The following MYOM1 variants were observed in gnomAD, a reference collection of about 807,000 sequenced individuals.
The protein encoded by MYOM1 is myomesin 1, also known as myomesin-1.
Under a neutral mutation model 205.3 loss-of-function variants are expected in MYOM1, and 164 were observed. That is an observed-to-expected ratio of 0.80 (90% confidence interval 0.70 to 0.91). MYOM1 has a LOEUF of 0.91. MYOM1 is among the 40% of genes least tolerant of loss of function. The pLI, the probability that MYOM1 is intolerant of heterozygous loss-of-function variation, is 0.00. For missense variants in MYOM1, 2,011 were observed against 2,127.3 expected (o/e 0.95, Z 1.08); for synonymous variants, 772 against 789.4 (o/e 0.98, Z 0.37).
intron 21 of MYOM1, among the ~76,000 whole-genome samples, chr18:3,114,539 A>G (rs2079575797): frequency 8.1e-6 from 1 of 123,678 alleles, no homozygotes; most frequent in Admixed American, 9.7e-5. Flanking sequence ...CACCATGGTC[A>G]GCTAATTTTT....
At position 3,094,049 on chromosome 18, in the gene MYOM1, A is replaced by G. The variant is rs1019439606; in HGVS notation, c.3864+121T>C. ...TTCACAGTTTTCACTTGTGAGAAGG[A>G]TTTAAACTCTCCCACTCCACCACCC... On this transcript the variant is annotated intron_variant, in intron 26 of 37. Coordinates refer to ENST00000356443, the MANE Select transcript of MYOM1 (RefSeq NM_003803.4). The G allele has an allele frequency of 9.3e-6, 9 of 967,476 alleles. No homozygotes were observed. The Admixed American group carries it at 2.1e-4, about 22-fold the overall frequency. The allele number at this position is 967,476 out of a possible 1,614,324, so 59.9% of individuals were successfully genotyped here.
rs371515684 is a variant in MYOM1, at chr18:3,084,393, G to A, written c.4340-366C>T. ...AGGACATTTTCTTAGCCGTGTCATC[G>A]ATTCATAATGAATTAACCATGTAGG... On this transcript the variant is annotated intron_variant, in intron 31 of 37. Transcript: ENST00000356443. Among the ~76,000 whole-genome samples, 6 of 152,192 alleles carry A rather than the reference G, an allele frequency of 3.9e-5. No individual in the cohort carries two copies. The East Asian group carries it at 5.8e-4, about 15-fold the overall frequency.
In MYOM1 at chr18:3,094,171, G is replaced by A. The variant is rs200808890; in HGVS notation, c.3863C>T (p.Pro1288Leu). ...IFNEKEIFEG[P>L]KYKMHIDRNT... ...AAGTCTAAACAGTGTAAAACCTACCGGGCCTTCAAAAATTTCCTTCTCGTT... is the reference window on the plus strand; with the variant it reads ...AAGTCTAAACAGTGTAAAACCTACCAGGCCTTCAAAAATTTCCTTCTCGTT... The change falls in exon 26 of 38, where the codon CCG becomes CTG. Residue 1288 changes from proline to leucine, a missense_variant and splice_region_variant. Physicochemically the swap from Pro to Leu is moderately conservative, Grantham distance 98. Coordinates refer to ENST00000356443, the MANE Select transcript of MYOM1 (RefSeq NM_003803.4). 6.1e-5 allele frequency: 99 copies of A among 1,613,592 alleles called. No individual in the cohort carries two copies. Among genetic ancestry groups the A allele is most frequent in the African/African-American group, 5.5e-4 (41 of 74,894 alleles).
At chr18:3,130,322 C>T (rs754421975) in intron 17 of MYOM1, among the ~76,000 whole-genome samples, 13 of 151,928 alleles carry the variant, frequency 8.6e-5, no homozygotes, top group Non-Finnish European at 1.5e-4. Flanking sequence ...GGATTACAGG[C>T]GTGAGCCACT....
At chr18:3,070,799 GGTGTCTGTCGCCCGGGC>G (rs2078951273) in intron 37 of MYOM1, among the ~76,000 whole-genome samples, 2 of 149,744 alleles carry the variant, frequency 1.3e-5, no homozygotes, top group Non-Finnish European at 3.0e-5. Flanking sequence ...TGTATGACAG[GGTGTCTGTCGCCCGGGC>G]TGGAGTGATC....
At position 3,154,616 on chromosome 18, in the gene MYOM1, TACACACACACACAC is replaced by T. The variant is rs10625884; in HGVS notation, c.1643+317_1643+330del. ...TCAGCGTTTCTAAGTACCTACTCAA[TACACACACACACAC>T]ACACACACACACACACACACATTTA... On this transcript the variant is annotated intron_variant, in intron 11 of 37. Coordinates refer to ENST00000356443, the MANE Select transcript of MYOM1 (RefSeq NM_003803.4). Among the ~76,000 whole-genome samples, 67 of 145,950 alleles carry T rather than the reference TACACACACACACAC, an allele frequency of 4.6e-4. 1 individual carries two copies. The South Asian group carries it at 0.012, about 26-fold the overall frequency.
intron 36 of MYOM1, among the ~76,000 whole-genome samples, chr18:3,072,370 T>TTTCTTTTTTTTTTG (rs768555182): frequency 8.6e-6 from 1 of 115,940 alleles, no homozygotes; most frequent in Non-Finnish European, 1.8e-5. Context: ...TTTTTTTTTT[T>TTTCTTTTTTTTTTG]TGAGGCAGAG....
intron 13 of MYOM1, among the ~76,000 whole-genome samples, chr18:3,147,422 C>T (rs2080145237): frequency 6.6e-6 from 1 of 151,936 alleles, no homozygotes; most frequent in Admixed American, 6.6e-5. Context: ...AATCAAAGGA[C>T]TCAATGCTGT....
chr18:3,235,775 G>A, the MYOM1 span, among the ~76,000 whole-genome samples: 671 of 152,280 alleles, frequency 4.4e-3, 9 homozygotes, highest in African/African-American at 0.016. Flanking sequence ...AAAATAAACC[G>A]AGAGAGGGGA....
At chr18:3,216,470 C>T (rs532196912) in intron 1 of MYOM1, among the ~76,000 whole-genome samples, 1 of 152,284 alleles carries the variant, frequency 6.6e-6, no homozygotes, top group South Asian at 2.1e-4. Flanking sequence ...TTTTCAACAG[C>T]CTCAGCAGGG....
rs755319719 is a variant in MYOM1, at chr18:3,100,204, C to A, written c.3683-1G>T. ...CTGAGAGCAAGTAAACGTTTCAATT[C>A]TGTAGGGGGAAAAAGAAGGCAGTTA... is the stretch of plus-strand genomic sequence containing the variant. On this transcript the variant is annotated splice_acceptor_variant, in intron 24 of 37. Coordinates refer to ENST00000356443, the MANE Select transcript of MYOM1 (RefSeq NM_003803.4). LOFTEE classifies it high-confidence loss of function. 1.2e-6 allele frequency: 2 copies of A among 1,613,836 alleles called. No homozygotes were observed. Among genetic ancestry groups the A allele is most frequent in the Non-Finnish European group, 1.7e-6 (2 of 1,179,856 alleles).
intron 19 of MYOM1, among the ~76,000 whole-genome samples, chr18:3,120,345 A>G (rs2079669997): frequency 6.6e-6 from 1 of 152,190 alleles, no homozygotes; most frequent in African/African-American, 2.4e-5. Context: ...GAACTCTTAC[A>G]ATGGGGTTCG....
intron 2 of MYOM1, among the ~76,000 whole-genome samples, chr18:3,197,807 A>G (rs1424003003): frequency 6.6e-6 from 1 of 152,212 alleles, no homozygotes; most frequent in Admixed American, 6.5e-5. Context: ...TGGGAGGCAG[A>G]GCTTGCAGTG....
intron 2 of MYOM1, among the ~76,000 whole-genome samples, chr18:3,205,042 T>A (rs1456494976): frequency 1.3e-5 from 2 of 152,084 alleles, no homozygotes; most frequent in Non-Finnish European, 2.9e-5. Context: ...AATTTAGAGC[T>A]TTACTCAATA....
rs142060133 is a variant in MYOM1, at chr18:3,138,686, T to C, written c.2026-2956A>G. ...TTCTTAAGCTGTTATCAGTTGTTTA[T>C]ACTCTCATAAAAAAATAGCTGCCTT... is the stretch of plus-strand genomic sequence containing the variant. On this transcript the variant is annotated intron_variant, in intron 14 of 37. Transcript: ENST00000356443. Among the ~76,000 whole-genome samples, 530 of 152,330 alleles carry C rather than the reference T, an allele frequency of 3.5e-3. 9 individuals carry two copies. Among genetic ancestry groups the C allele is most frequent in the African/African-American group, 0.012 (507 of 41,580 alleles).
At chr18:3,101,333 A>C (rs555178792) in intron 23 of MYOM1, among the ~76,000 whole-genome samples, 9 of 152,366 alleles carry the variant, frequency 5.9e-5, no homozygotes, top group African/African-American at 1.4e-4. Flanking sequence ...TGTGGTTGAC[A>C]CTATGAAAAT....
chr18:3,235,136 G>A, the MYOM1 span, among the ~76,000 whole-genome samples: 1 of 152,012 alleles, frequency 6.6e-6, no homozygotes, highest in East Asian at 1.9e-4. Context: ...TTTATACCAT[G>A]TCATCTCAAT....
intron 33 of MYOM1, among the ~76,000 whole-genome samples, chr18:3,083,415 CTTTTTCTT>C (rs1567895958): frequency 0.02 from 2,013 of 101,742 alleles, 75 homozygotes; most frequent in African/African-American, 0.057. Context: ...TTTCTTTTTT[CTTTTTCTT>C]TTTCTTTTTT....
At chr18:3,150,099 G>A (rs563454077) in intron 12 of MYOM1, among the ~76,000 whole-genome samples, 8 of 152,154 alleles carry the variant, frequency 5.3e-5, no homozygotes, top group East Asian at 1.9e-4. Context: ...TCGCTCTGTC[G>A]CCTAGGCTGG....
Sources: gnomAD v4.1 joint callset for allele counts (sites outside exome capture counted in the v4.1 genomes callset) on GRCh38, gnomAD v4.1.1 for gene constraint, MANE v1.5 for transcripts, NCBI Gene and HGNC (gene_info 2026-07-23, HGNC 2026-07-21) for gene names.